DPP6: variants seen among roughly 807,000 people sequenced by gnomAD.
The protein encoded by DPP6 is dipeptidyl peptidase like 6, also known as A-type potassium channel modulatory protein DPP6.
In DPP6, 69 loss-of-function variants were observed where a neutral mutation model predicts 122.6. The observed-to-expected ratio is 0.56, with a 90% confidence interval of 0.46 to 0.69. The LOEUF (loss-of-function observed/expected upper bound fraction) is 0.69. DPP6 is among the 30% of genes least tolerant of loss of function. The pLI is 0.00. For missense variants in DPP6, 928 were observed against 1,116.9 expected, an observed-to-expected ratio of 0.83 and a Z score of 2.41; for synonymous variants, 418 against 433.1, an observed-to-expected ratio of 0.97 and a Z score of 0.43.
chr7:154,036,246 G>A (rs1799528374), intron 1 of DPP6, among the ~76,000 whole-genome samples: 3 of 148,274 alleles, frequency 2.0e-5, no homozygotes, highest in Non-Finnish European at 4.5e-5. Context: ...CAGTAGCTGG[G>A]ATTACAGGTG....
At chr7:154,806,783 A>C (rs1245303719) in intron 15 of DPP6, among the ~76,000 whole-genome samples, 3 of 152,166 alleles carry the variant, frequency 2.0e-5, no homozygotes, top group African/African-American at 4.8e-5. Context: ...AAAGCTCTTG[A>C]GAGTGGGAGG....
chr7:154,064,292 C>G (rs1157899875), intron 1 of DPP6, among the ~76,000 whole-genome samples: 1 of 152,154 alleles, frequency 6.6e-6, no homozygotes, highest in African/African-American at 2.4e-5. Context: ...CTCTTCCCTG[C>G]TACACTCTTC....
At chr7:153,954,687 C>T (rs528952302) in intron 1 of DPP6, among the ~76,000 whole-genome samples, 1 of 152,114 alleles carries the variant, frequency 6.6e-6, no homozygotes, top group Non-Finnish European at 1.5e-5. Context: ...GTTGAAGGCC[C>T]AAATAGAGCA....
At chr7:154,448,817 G>A (rs1820109504) in intron 2 of DPP6, among the ~76,000 whole-genome samples, 1 of 152,130 alleles carries the variant, frequency 6.6e-6, no homozygotes. Flanking sequence ...ATTCAATGAG[G>A]AAAGAATAGT....
chr7:154,429,818 C>CT lies in DPP6; in HGVS notation c.244-16394dup, dbSNP rs201942822. ...GGTGAAACACAGCAGTACCACGTGT[C>CT]TTATGTCACATCAGCAATGCAGGTC... On this transcript the variant is annotated intron_variant, in intron 1 of 25. Transcript: ENST00000377770. 3.7e-3 allele frequency among the ~76,000 whole-genome samples: 568 copies of CT among 152,268 alleles called. 14 individuals carry two copies. The highest frequency in any genetic ancestry group is 0.027 in the Admixed American group (413 of 15,296).
the DPP6 span, among the ~76,000 whole-genome samples, chr7:153,823,673 G>A: frequency 1.3e-5 from 2 of 151,406 alleles, no homozygotes; most frequent in East Asian, 3.9e-4. Context: ...GGTGTGAGGG[G>A]TTGTCTGGGA....
chr7:154,577,495 G>A (rs1298320196), intron 5 of DPP6, among the ~76,000 whole-genome samples: 1 of 152,190 alleles, frequency 6.6e-6, no homozygotes, highest in Non-Finnish European at 1.5e-5. Context: ...TGGGGTGTCT[G>A]TGAAGAGCAC....
At chr7:153,790,862 A>T in the DPP6 span, among the ~76,000 whole-genome samples, 5 of 152,350 alleles carry the variant, frequency 3.3e-5, no homozygotes, top group Non-Finnish European at 5.9e-5. Context: ...AAATGGCGGA[A>T]GAGTATTTTG....
intron 10 of DPP6, among the ~76,000 whole-genome samples, chr7:154,775,769 C>T (rs551219584): frequency 6.6e-6 from 1 of 152,306 alleles, no homozygotes; most frequent in East Asian, 1.9e-4. Flanking sequence ...GTGATCCCAC[C>T]TGCCTCTTTA....
At chr7:154,758,689 A>T (rs2130032) in intron 8 of DPP6, among the ~76,000 whole-genome samples, 83,957 of 152,078 alleles carry the variant, frequency 0.55, 24,643 homozygotes, top group African/African-American at 0.75. Flanking sequence ...AGATTATTTT[A>T]AAAAAGACAT....
chr7:154,522,775 C>A lies in DPP6; in HGVS notation c.458-17757C>A, dbSNP rs556426155. 1.5e-4 allele frequency among the ~76,000 whole-genome samples: 23 copies of A among 152,310 alleles called. No homozygotes were observed. In the South Asian group the frequency reaches 4.8e-3, roughly 32 times the overall value. On this transcript the variant is annotated intron_variant, in intron 3 of 25. Coordinates refer to ENST00000377770, the MANE Select transcript of DPP6 (RefSeq NM_130797.4). ...AAACTGCAGCCCCGCTGTAGAGCTT[C>A]CCAGCGTCTGCTCAGGAGCCCCCTG... is the stretch of plus-strand genomic sequence containing the variant.
At chr7:154,134,991 TACACTTCCTGTGAGTGA>T (rs1423103452) in intron 1 of DPP6, among the ~76,000 whole-genome samples, 6 of 149,546 alleles carry the variant, frequency 4.0e-5, no homozygotes, top group African/African-American at 7.6e-5. Flanking sequence ...CCTGTGAGCT[TACACTTCCTGTGAGTGA>T]ACACTTCCTG....
At chr7:154,487,884 G>T (rs753450046) in intron 3 of DPP6, among the ~76,000 whole-genome samples, 2 of 152,120 alleles carry the variant, frequency 1.3e-5, no homozygotes, top group African/African-American at 4.8e-5. Context: ...ACCGTCCCCT[G>T]TGACTCATCA....
chr7:153,766,773 A>G, the DPP6 span, among the ~76,000 whole-genome samples: 2 of 152,212 alleles, frequency 1.3e-5, no homozygotes, highest in Non-Finnish European at 2.9e-5. Context: ...AAGAGCTACA[A>G]TCTGTATCAT....
chr7:154,314,004 T>C (rs538933786), intron 1 of DPP6, among the ~76,000 whole-genome samples: 2 of 152,114 alleles, frequency 1.3e-5, no homozygotes, highest in South Asian at 4.2e-4. Context: ...CATGAAGCTG[T>C]AACAACGTCT....
intron 1 of DPP6, among the ~76,000 whole-genome samples, chr7:154,177,506 G>A (rs947475337): frequency 6.6e-6 from 1 of 152,202 alleles, no homozygotes; most frequent in Admixed American, 6.5e-5. Context: ...AGTGACCACT[G>A]TTGGTCACCA....
At chr7:154,252,457 C>A (rs762035915) in intron 1 of DPP6, among the ~76,000 whole-genome samples, 24 of 152,316 alleles carry the variant, frequency 1.6e-4, no homozygotes, top group Non-Finnish European at 3.1e-4. Context: ...TTAGTCAGAT[C>A]TATTATTGTT....
At chr7:154,701,874 A>G (rs899985301) in intron 7 of DPP6, among the ~76,000 whole-genome samples, 1 of 152,224 alleles carries the variant, frequency 6.6e-6, no homozygotes, top group Non-Finnish European at 1.5e-5. Context: ...ATCACCTTAT[A>G]CAAATGCAGG....
chr7:154,521,862 A>G (rs1827007740), intron 3 of DPP6, among the ~76,000 whole-genome samples: 1 of 152,188 alleles, frequency 6.6e-6, no homozygotes, highest in Non-Finnish European at 1.5e-5. Context: ...TCCAAGGTTT[A>G]GGGTTTCTAA....
Sources: gnomAD v4.1 joint callset for allele counts (sites outside exome capture counted in the v4.1 genomes callset) on GRCh38, gnomAD v4.1.1 for gene constraint, MANE v1.5 for transcripts, NCBI Gene and HGNC (gene_info 2026-07-23, HGNC 2026-07-21) for gene names.